The following RBM19 variants were observed in gnomAD, a reference collection of about 807,000 sequenced individuals.
The protein encoded by RBM19 is RNA binding motif protein 19.
In RBM19, 94 loss-of-function variants were observed where a neutral mutation model predicts 116.8. That is an observed-to-expected ratio of 0.80 (90% CI 0.68 to 0.95). RBM19 has a LOEUF of 0.95. Ranked by LOEUF, RBM19 falls within the 40% of genes least tolerant of loss-of-function variation. RBM19 has a pLI of 0.00. For synonymous variants in RBM19, 475 were observed against 494.1 expected (o/e 0.96, Z 0.51); for missense variants, 1,161 against 1,220.7 (o/e 0.95, Z 0.73).
At chr12:113,901,354 G>T (rs1265683736) in intron 21 of RBM19, among the ~76,000 whole-genome samples, 1 of 151,884 alleles carries the variant, frequency 6.6e-6, no homozygotes, top group Non-Finnish European at 1.5e-5. Context: ...TCTGACCAAG[G>T]AACCACCACC....
intron 16 of RBM19, 122 bp from the exon 17 acceptor site, chr12:113,927,351 C>A: frequency 1.6e-6 from 2 of 1,243,756 alleles, no homozygotes; most frequent in Non-Finnish European, 2.2e-6. Context: ...TCTGCCTCTG[C>A]GGGCAGTGGC....
At chr12:113,831,095 G>GC (rs1346778902) in intron 23 of RBM19, among the ~76,000 whole-genome samples, 2 of 152,196 alleles carry the variant, frequency 1.3e-5, no homozygotes, top group Non-Finnish European at 2.9e-5. Context: ...TGTGGAACCA[G>GC]GCTGGCCAAA....
At chr12:113,955,983 G>A (rs745781826) in intron 6 of RBM19, among the ~76,000 whole-genome samples, 4 of 152,120 alleles carry the variant, frequency 2.6e-5, no homozygotes, top group Admixed American at 1.3e-4. Context: ...TTAGGCACGG[G>A]GTCAGAAACC....
intron 1 of RBM19, among the ~76,000 whole-genome samples, chr12:113,963,553 T>G (rs557638491): frequency 2.6e-5 from 4 of 152,338 alleles, no homozygotes; most frequent in African/African-American, 7.2e-5. Context: ...GTTAGGAATT[T>G]TTGTCCACAT....
intron 23 of RBM19, among the ~76,000 whole-genome samples, chr12:113,835,393 G>C (rs189858223): frequency 1.3e-5 from 2 of 152,304 alleles, no homozygotes; most frequent in Admixed American, 1.3e-4. Context: ...CACGGAGAAG[G>C]ATCTTAATTG....
chr12:113,889,142 C>T (rs529160669), intron 21 of RBM19, among the ~76,000 whole-genome samples: 16 of 152,320 alleles, frequency 1.1e-4, no homozygotes, highest in Non-Finnish European at 1.8e-4. Context: ...CACAGTCTCT[C>T]GGCCCCATCT....
chr12:113,906,867 A>AT (rs1467937730), intron 21 of RBM19, among the ~76,000 whole-genome samples: 1 of 152,134 alleles, frequency 6.6e-6, no homozygotes. Context: ...AGATGGGGTC[A>AT]TATGGATTAG....
At chr12:113,834,907 C>T (rs557997407) in intron 23 of RBM19, among the ~76,000 whole-genome samples, 28 of 152,322 alleles carry the variant, frequency 1.8e-4, no homozygotes, top group South Asian at 4.1e-4. Context: ...GACTGAGTTA[C>T]GTAAAACCAC....
intron 21 of RBM19, among the ~76,000 whole-genome samples, chr12:113,872,624 C>T (rs1259132410): frequency 5.3e-5 from 4 of 75,038 alleles, no homozygotes; most frequent in Non-Finnish European, 8.4e-5. Flanking sequence ...AGGTGAAGGG[C>T]GCCTCTGCCC....
At chr12:113,819,742 G>A (rs551315912), downstream of RBM19, among the ~76,000 whole-genome samples, 116 of 152,166 alleles carry the variant, frequency 7.6e-4, 1 homozygote, top group Non-Finnish European at 1.5e-3. Flanking sequence ...CCCACATGCT[G>A]GATGGAGGAA....
At chr12:113,916,965 A>T (rs1882810230) in intron 20 of RBM19, among the ~76,000 whole-genome samples, 1 of 152,256 alleles carries the variant, frequency 6.6e-6, no homozygotes, top group African/African-American at 2.4e-5. Context: ...TAGCTAAAAC[A>T]GTTGCACTTG....
intron 21 of RBM19, among the ~76,000 whole-genome samples, chr12:113,862,946 C>T (rs1023070539): frequency 2.1e-4 from 32 of 152,314 alleles, no homozygotes; most frequent in Middle Eastern, 3.4e-3. Flanking sequence ...ATTACTCCCC[C>T]ACCCTGCAGC....
intron 23 of RBM19, among the ~76,000 whole-genome samples, chr12:113,834,652 G>C (rs1374827231): frequency 1.3e-5 from 2 of 152,180 alleles, no homozygotes; most frequent in Non-Finnish European, 2.9e-5. Flanking sequence ...TGTAGGCTGT[G>C]GTTTGCAACT....
intron 21 of RBM19, among the ~76,000 whole-genome samples, chr12:113,891,062 C>G (rs999519901): frequency 6.6e-6 from 1 of 152,020 alleles, no homozygotes; most frequent in Non-Finnish European, 1.5e-5. Context: ...CTCAGCCTAC[C>G]AAGGTGTTGG....
At chr12:113,862,203 T>C (rs1238072638) in intron 21 of RBM19, among the ~76,000 whole-genome samples, 3 of 152,192 alleles carry the variant, frequency 2.0e-5, no homozygotes, top group African/African-American at 7.2e-5. Flanking sequence ...TATGCAGTCT[T>C]TTAAATACAT....
intron 21 of RBM19, among the ~76,000 whole-genome samples, chr12:113,859,616 C>T (rs1325481069): frequency 1.3e-5 from 2 of 152,146 alleles, no homozygotes; most frequent in Non-Finnish European, 2.9e-5. Context: ...CGGTTCCCTT[C>T]TCTCCTCTCC....
chr12:113,864,327 A>G lies in RBM19; in HGVS notation c.2559-5431T>C, dbSNP rs181896407. 2.6e-5 allele frequency among the ~76,000 whole-genome samples: 4 copies of G among 152,326 alleles called. No individual in the cohort carries two copies. In the East Asian group the frequency reaches 7.7e-4, roughly 29 times the overall value. On this transcript the variant is annotated intron_variant, in intron 21 of 23. Transcript: ENST00000261741. ...GGGGCAGCTGCATGGGAAGCCTCTT[A>G]GCTGGGAAGCAGCCAGTGAGCTCCC...
intron 16 of RBM19, among the ~76,000 whole-genome samples, chr12:113,931,447 C>A (rs976665660): frequency 5.9e-5 from 9 of 152,102 alleles, no homozygotes; most frequent in Non-Finnish European, 2.9e-5. Flanking sequence ...CCTCATACAC[C>A]TGCGCTTTGC....
chr12:113,930,670 G>A (rs942224542), intron 16 of RBM19, among the ~76,000 whole-genome samples: 1 of 152,196 alleles, frequency 6.6e-6, no homozygotes, highest in Non-Finnish European at 1.5e-5. Context: ...TGTGCTCAAA[G>A]GGGTCTGCCT....
Sources: allele counts gnomAD v4.1 joint callset (sites outside exome capture counted in the v4.1 genomes callset), GRCh38; gene constraint gnomAD v4.1.1; transcripts MANE v1.5; gene names NCBI Gene and HGNC (gene_info 2026-07-23, HGNC 2026-07-21).